TBC1D31: variants seen among roughly 807,000 people sequenced by gnomAD.
The protein encoded by TBC1D31 is TBC1 domain family member 31, also known as WD repeat domain 67.
A neutral mutation model predicts 132.9 loss-of-function variants in TBC1D31; 99 were observed. The ratio of observed to expected loss-of-function variants is 0.74; its 90% confidence interval spans 0.63 to 0.88. The LOEUF (loss-of-function observed/expected upper bound fraction) is 0.88, where lower values mean the gene tolerates loss of function less well. Ranked by LOEUF, TBC1D31 falls within the 40% of genes least tolerant of loss-of-function variation. TBC1D31 has a pLI of 0.00. For missense variants in TBC1D31, 1,134 were observed against 1,256.6 expected (o/e 0.90, Z 1.48); for synonymous variants, 385 against 419.4 (o/e 0.92, Z 1.00).
At chr8:123,136,514 G>A (rs1001963623) in intron 17 of TBC1D31, among the ~76,000 whole-genome samples, 14 of 152,128 alleles carry the variant, frequency 9.2e-5, no homozygotes, top group African/African-American at 2.9e-4. Context: ...ACAATGGCGC[G>A]ATCTCGGCTC....
At chr8:123,164,903 T>C in the TBC1D31 span, among the ~76,000 whole-genome samples, 103,687 of 152,110 alleles carry the variant, frequency 0.68, 35,594 homozygotes, top group East Asian at 0.82. Flanking sequence ...ATGGTACTTA[T>C]TGTTCTGTGA....
In TBC1D31 at chr8:123,085,820, C is replaced by A. The variant is rs145680213; in HGVS notation, c.519+1480C>A. Among the ~76,000 whole-genome samples the A allele has an allele frequency of 5.1e-3, 780 of 152,202 alleles. 5 individuals are homozygous for A. The highest frequency in any genetic ancestry group is 0.018 in the African/African-American group (744 of 41,512). ...GTAAATATACCACCTTTTAAAAATC[C>A]ATTTCTTTTGTTTTTTTCCAACTAT... is the stretch of plus-strand genomic sequence containing the variant. On this transcript the variant is annotated intron_variant, in intron 4 of 21. Coordinates refer to ENST00000287380, the MANE Select transcript of TBC1D31 (RefSeq NM_145647.4).
At position 123,120,039 on chromosome 8, in the gene TBC1D31, G is replaced by A. The variant is rs1254301913; in HGVS notation, c.1437-16G>A. 1.9e-6 allele frequency: 3 copies of A among 1,551,138 alleles called. No homozygotes were observed. The highest frequency in any genetic ancestry group is 2.5e-5 in the South Asian group (2 of 81,544). ...TTATTCAAATAAATTTTAATGCTAA[G>A]TTATTTTATTCACAGAACCTTATCT... On this transcript the variant is annotated splice_polypyrimidine_tract_variant and intron_variant, in intron 10 of 21. Coordinates refer to ENST00000287380, the MANE Select transcript of TBC1D31 (RefSeq NM_145647.4).
intron 18 of TBC1D31, 47 bp from the exon 19 acceptor site, chr8:123,142,215 G>T: frequency 7.1e-7 from 1 of 1,399,516 alleles, no homozygotes; most frequent in Non-Finnish European, 9.7e-7. Context: ...TTCATTTTAT[G>T]TACTAGTAGT....
At position 123,116,648 on chromosome 8, in the gene TBC1D31, C is replaced by T. The variant is rs75654464; in HGVS notation, c.1437-3407C>T. Among the ~76,000 whole-genome samples the T allele has an allele frequency of 2.0e-3, 297 of 152,012 alleles. 2 individuals carry two copies. Among genetic ancestry groups the T allele is most frequent in the Non-Finnish European group, 3.4e-3 (229 of 67,984 alleles). On this transcript the variant is annotated intron_variant, in intron 10 of 21. Transcript: ENST00000287380. ...ACAATGACACCCTGGTAACAGTGAG[C>T]GCACCTACTGGTGTGGGGAAAATAC...
intron 7 of TBC1D31, chr8:123,102,664 A>T (rs1817554215): frequency 5.1e-6 from 1 of 194,220 alleles, no homozygotes; most frequent in Admixed American, 5.9e-5. Context: ...TTTCATGGTC[A>T]TTCAGGGACA....
chr8:123,154,364 T>C (rs1822934864), downstream of TBC1D31, among the ~76,000 whole-genome samples: 1 of 152,144 alleles, frequency 6.6e-6, no homozygotes, highest in Non-Finnish European at 1.5e-5. Flanking sequence ...AGGACAGACT[T>C]GGAAGGGAGG....
chr8:123,122,830 T>A (rs1288896392), intron 11 of TBC1D31, among the ~76,000 whole-genome samples: 1 of 152,260 alleles, frequency 6.6e-6, no homozygotes, highest in Non-Finnish European at 1.5e-5. Flanking sequence ...AATTGATTTT[T>A]CTCTTCTAAA....
At chr8:123,144,145 T>C (rs1184081326) in intron 19 of TBC1D31, among the ~76,000 whole-genome samples, 1 of 152,236 alleles carries the variant, frequency 6.6e-6, no homozygotes, top group Non-Finnish European at 1.5e-5. Flanking sequence ...GTAAAAGCTG[T>C]AGCTTTTCCA....
At chr8:123,107,102 C>A (rs1308785636) in intron 8 of TBC1D31, among the ~76,000 whole-genome samples, 6 of 152,148 alleles carry the variant, frequency 3.9e-5, no homozygotes, top group Admixed American at 3.9e-4. Flanking sequence ...AGAAGGAAGG[C>A]GGGCATTAAG....
Position 123,082,722 on chromosome 8 carries a change from C to T in TBC1D31, c.245C>T (p.Thr82Ile). The T allele has an allele frequency of 6.2e-7, 1 of 1,610,928 alleles. No homozygotes were observed. Among genetic ancestry groups the T allele is most frequent in the South Asian group, 1.1e-5 (1 of 90,704 alleles). The part of the protein sequence containing the change: ...HGNRFNLVQR[T>I]AQACTALAFN... ...AATAGGTTCAATCTTGTTCAGCGAA[C>T]AGCACAAGCTTGCACAGCTCTGGCC... is the stretch of plus-strand genomic sequence containing the variant. Residue 82 changes from threonine to isoleucine, a missense_variant, in exon 3 of 22, where the codon ACA becomes ATA. Thr to Ile is a moderately conservative substitution (Grantham distance 89, BLOSUM62 -1). Transcript: ENST00000287380.
At chr8:123,152,716 G>C (rs564033049), downstream of TBC1D31, among the ~76,000 whole-genome samples, 3 of 152,088 alleles carry the variant, frequency 2.0e-5, no homozygotes, top group Admixed American at 6.5e-5. Context: ...ACTAAAAATA[G>C]AAAAATTAGC....
Position 123,126,178 on chromosome 8 carries a change from A to G in TBC1D31, c.1693A>G (p.Ile565Val), listed in dbSNP as rs371733322. Residue 565 changes from isoleucine (I) to valine (V), a missense_variant, in exon 12 of 22, where the codon ATA becomes GTA. By Grantham distance (29) the Ile-to-Val change is conservative. Transcript: ENST00000287380. The part of the protein sequence containing the change: ...ELLQHFIDHD[I>V]TSQLYAWPLL... Reference sequence around the variant, plus strand: ...GCTGCAACACTTCATAGATCATGATATAACCTCCCAGGTAAGAAGCATAAG... The same window carrying G: ...GCTGCAACACTTCATAGATCATGATGTAACCTCCCAGGTAAGAAGCATAAG... 14 of 1,607,486 alleles carry G rather than the reference A, an allele frequency of 8.7e-6. No homozygotes were observed. The African/African-American group carries it at 1.6e-4, about 18-fold the overall frequency.
chr8:123,156,596 A>C (rs1480245762), downstream of TBC1D31, among the ~76,000 whole-genome samples: 1 of 152,158 alleles, frequency 6.6e-6, no homozygotes, highest in Non-Finnish European at 1.5e-5. Flanking sequence ...AGAATGGCTG[A>C]GTTATCAAGA....
intron 17 of TBC1D31, 95 bp from the exon 18 acceptor site, chr8:123,140,666 T>C: frequency 9.8e-7 from 1 of 1,016,352 alleles, no homozygotes; most frequent in South Asian, 1.7e-5. Context: ...GATTACAGCT[T>C]TTATTTGTGT....
intron 19 of TBC1D31, among the ~76,000 whole-genome samples, chr8:123,144,261 T>G (rs1363063545): frequency 6.6e-6 from 1 of 152,160 alleles, no homozygotes; most frequent in African/African-American, 2.4e-5. Context: ...AAAATAAGGG[T>G]GAATAGAAAT....
intron 17 of TBC1D31, among the ~76,000 whole-genome samples, chr8:123,135,201 G>A (rs1414604033): frequency 1.3e-5 from 2 of 152,170 alleles, no homozygotes; most frequent in African/African-American, 4.8e-5. Flanking sequence ...CGCCTGGCCT[G>A]TAAAGTACTT....
chr8:123,105,737 T>G (rs1454831456), intron 8 of TBC1D31, among the ~76,000 whole-genome samples: 1 of 152,038 alleles, frequency 6.6e-6, no homozygotes, highest in Non-Finnish European at 1.5e-5. Flanking sequence ...ATATAGCTAT[T>G]AATAGAGAAG....
intron 21 of TBC1D31, among the ~76,000 whole-genome samples, chr8:123,151,499 G>A (rs1331609009): frequency 6.6e-6 from 1 of 152,140 alleles, no homozygotes; most frequent in African/African-American, 2.4e-5. Context: ...GCATCATTGT[G>A]AGGAAGCTTA....
Sources: allele counts gnomAD v4.1 joint callset (sites outside exome capture counted in the v4.1 genomes callset), GRCh38; gene constraint gnomAD v4.1.1; transcripts MANE v1.5; gene names NCBI Gene and HGNC (gene_info 2026-07-23, HGNC 2026-07-21).